ATP11C: variants seen among roughly 807,000 people sequenced by gnomAD.
ATP11C encodes phospholipid-transporting ATPase IG.
In ATP11C, 36 loss-of-function variants were observed where a neutral mutation model predicts 97.4. The ratio of observed to expected loss-of-function variants is 0.37; its 90% CI spans 0.28 to 0.49. ATP11C has a LOEUF of 0.49. Among genes scored for constraint, ATP11C ranks in the 20% least tolerant of loss-of-function variants. The pLI, the probability that ATP11C is intolerant of heterozygous loss-of-function variation, is 0.98. For synonymous variants in ATP11C, 275 were observed against 290.9 expected (o/e 0.95, Z 0.56); for missense variants, 730 against 824.6 (o/e 0.89, Z 1.40).
rs1434325191 is a variant in ATP11C, at chrX:139,750,047, T to A, written c.2806A>T (p.Thr936Ser). 2 of 1,201,785 alleles carry A rather than the reference T, an allele frequency of 1.7e-6. No homozygotes were observed. The highest frequency in any genetic ancestry group is 3.5e-5 in the African/African-American group (2 of 56,994). Residue 936 changes from threonine to serine, a missense_variant, in exon 24 of 30, where the codon ACC becomes TCC. By Grantham distance (58) the Thr-to-Ser change is moderately conservative. Transcript: ENST00000682941. ...LEQHINIDTLTSDPRLYMKIS... is the reference protein window; with the variant it reads ...LEQHINIDTLSSDPRLYMKIS... ...TACATATACAATCGGGGATCTGAGG[T>A]CAGAGTGTCAATGTTGATGTGCTGT...
chrX:139,853,131 C>T (rs2084027354), intron 1 of ATP11C, among the ~76,000 whole-genome samples: 1 of 111,729 alleles, frequency 9.0e-6, no homozygotes, highest in African/African-American at 3.3e-5. Flanking sequence ...AATTTCAAGG[C>T]TTGAACCTCA....
chrX:139,848,910 G>A (rs745686641), intron 1 of ATP11C, among the ~76,000 whole-genome samples: 3 of 111,853 alleles, frequency 2.7e-5, no homozygotes, highest in South Asian at 3.7e-4. Context: ...GAACAGTTTT[G>A]GTAAAACCAC....
At chrX:139,845,125 C>T (rs2083890328) in intron 1 of ATP11C, among the ~76,000 whole-genome samples, 1 of 111,279 alleles carries the variant, frequency 9.0e-6, no homozygotes, top group Non-Finnish European at 1.9e-5. Context: ...CTCCCATCAC[C>T]GATAAGCCTC....
chrX:139,868,640 T>G (rs1396042134), intron 1 of ATP11C, among the ~76,000 whole-genome samples: 2 of 108,111 alleles, frequency 1.8e-5, no homozygotes, highest in Admixed American at 9.9e-5. Flanking sequence ...GACAGGAGAA[T>G]TGTTTGAACC....
chrX:139,766,943 G>A (rs138022072), intron 20 of ATP11C, among the ~76,000 whole-genome samples: 36 of 111,406 alleles, frequency 3.2e-4, no homozygotes, highest in Middle Eastern at 4.7e-3. Context: ...AGGAAATGAT[G>A]TGACAAAAGT....
chrX:139,789,993 A>G (rs1289328589), intron 12 of ATP11C, among the ~76,000 whole-genome samples: 1 of 109,626 alleles, frequency 9.1e-6, no homozygotes, highest in Non-Finnish European at 1.9e-5. Flanking sequence ...TCACATCACT[A>G]TACTCCAACC....
chrX:139,842,976 T>C, intron 1 of ATP11C, among the ~76,000 whole-genome samples: 1 of 112,289 alleles, frequency 8.9e-6, no homozygotes, highest in East Asian at 2.8e-4. Flanking sequence ...CCACCTCATT[T>C]TCTCGCCAAG....
chrX:139,866,951 T>C (rs1187310410), intron 1 of ATP11C, among the ~76,000 whole-genome samples: 2 of 111,073 alleles, frequency 1.8e-5, no homozygotes, highest in South Asian at 3.9e-4. Flanking sequence ...CCAGGTATGG[T>C]AGTGCATGCC....
chrX:139,850,515 A>T lies in ATP11C; in HGVS notation c.28-23692T>A, dbSNP rs1165985605. Among the ~76,000 whole-genome samples the T allele has an allele frequency of 1.8e-5, 2 of 112,055 alleles. 1 individual carries two copies. Among genetic ancestry groups the T allele is most frequent in the Non-Finnish European group, 3.8e-5 (2 of 53,221 alleles). ...TGAACTAGGATATTTGGTAGAAGAA[A>T]TTTCTAAGCAAAATATCAAAGGAGC... On this transcript the variant is annotated intron_variant, in intron 1 of 29. Coordinates refer to ENST00000682941, the MANE Select transcript of ATP11C (RefSeq NM_001353812.2).
chrX:139,815,880 T>C (rs1372110022), intron 4 of ATP11C, among the ~76,000 whole-genome samples: 2 of 111,224 alleles, frequency 1.8e-5, no homozygotes, highest in Non-Finnish European at 3.8e-5. Flanking sequence ...GTACATTTTG[T>C]GATGCTGGTG....
At chrX:139,768,788 T>C (rs902934603) in intron 19 of ATP11C, among the ~76,000 whole-genome samples, 1 of 109,152 alleles carries the variant, frequency 9.2e-6, no homozygotes, top group Non-Finnish European at 1.9e-5. Flanking sequence ...GTAAGAGAGA[T>C]CATCCTAGAT....
intron 22 of ATP11C, among the ~76,000 whole-genome samples, chrX:139,758,700 C>G (rs953304472): frequency 8.9e-6 from 1 of 111,999 alleles, no homozygotes; most frequent in African/African-American, 3.2e-5. Flanking sequence ...TAAGTGCTAT[C>G]CTTCAAAGCA....
At chrX:139,804,644 G>C (rs886782436) in intron 5 of ATP11C, 45 bp from the exon 6 acceptor site, 1 of 1,072,035 alleles carries the variant, frequency 9.3e-7, no homozygotes, top group African/African-American at 1.8e-5. Flanking sequence ...TCCAAACAAA[G>C]CATTCATTAC....
chrX:139,853,478 G>A (rs181566130), intron 1 of ATP11C, among the ~76,000 whole-genome samples: 79 of 110,861 alleles, frequency 7.1e-4, no homozygotes, highest in African/African-American at 2.5e-3. Context: ...CAAAGTCAAA[G>A]AGAAAGAGAG....
chrX:139,852,325 C>G, intron 1 of ATP11C, among the ~76,000 whole-genome samples: 1 of 105,892 alleles, frequency 9.4e-6, no homozygotes, highest in Non-Finnish European at 2.0e-5. Flanking sequence ...GGGGGCCCAT[C>G]TGGGATTACA....
At chrX:139,929,662 T>C (rs770341921) in intron 1 of ATP11C, among the ~76,000 whole-genome samples, 1 of 111,947 alleles carries the variant, frequency 8.9e-6, no homozygotes, top group South Asian at 3.7e-4. Flanking sequence ...AAACAACTCA[T>C]TTTGAAAGGA....
intron 1 of ATP11C, among the ~76,000 whole-genome samples, chrX:139,919,214 G>A (rs1156329536): frequency 2.7e-5 from 3 of 109,855 alleles, no homozygotes; most frequent in Non-Finnish European, 5.7e-5. Context: ...CTGCACTCCA[G>A]CCGGGGCGAC....
chrX:139,772,084 T>A (rs938036679), intron 19 of ATP11C, among the ~76,000 whole-genome samples: 9 of 111,671 alleles, frequency 8.1e-5, no homozygotes, highest in Non-Finnish European at 1.7e-4. Flanking sequence ...AGGCCCAGCG[T>A]CCCCGTGCTG....
At chrX:139,931,604 T>C (rs1362716369) in intron 1 of ATP11C, among the ~76,000 whole-genome samples, 3 of 111,906 alleles carry the variant, frequency 2.7e-5, no homozygotes, top group African/African-American at 9.8e-5. Flanking sequence ...GTGACAGGTC[T>C]AGGTTTACCT....
Sources: gnomAD v4.1 joint callset for allele counts (sites outside exome capture counted in the v4.1 genomes callset) on GRCh38, gnomAD v4.1.1 for gene constraint, MANE v1.5 for transcripts, NCBI Gene and HGNC (gene_info 2026-07-23, HGNC 2026-07-21) for gene names.